The following SCAMP1 variants were observed in gnomAD, a reference collection of about 807,000 sequenced individuals.
The protein encoded by SCAMP1 is secretory carrier membrane protein 1.
A neutral mutation model predicts 41.8 loss-of-function variants in SCAMP1; 15 were observed. That is an observed-to-expected ratio of 0.36 (90% CI 0.24 to 0.55). SCAMP1 has a LOEUF of 0.55. Among genes scored for constraint, SCAMP1 ranks in the 20% least tolerant of loss-of-function variants. SCAMP1 has a pLI of 0.86. For synonymous variants in SCAMP1, 135 were observed against 136.8 expected, an observed-to-expected ratio of 0.99 and a Z score of 0.09; for missense variants, 341 against 412.6, an observed-to-expected ratio of 0.83 and a Z score of 1.50.
chr5:78,460,702 T>C (rs1436747695), intron 8 of SCAMP1, among the ~76,000 whole-genome samples: 1 of 151,638 alleles, frequency 6.6e-6, no homozygotes, highest in East Asian at 1.9e-4. Flanking sequence ...ATTGTCTCTT[T>C]ACTCTGTTTA....
intron 6 of SCAMP1, among the ~76,000 whole-genome samples, chr5:78,430,103 A>T (rs61461735): frequency 0.09 from 2,658 of 29,688 alleles, 193 homozygotes; most frequent in African/African-American, 0.25. Context: ...TTATAAATAC[A>T]GTATTTATTT....
intron 2 of SCAMP1, among the ~76,000 whole-genome samples, chr5:78,414,828 A>C (rs1482643757): frequency 2.0e-5 from 3 of 152,178 alleles, no homozygotes; most frequent in Admixed American, 1.3e-4. Flanking sequence ...GGGTTCTACC[A>C]AGAACTTTCC....
chr5:78,454,079 T>G (rs907758726), intron 7 of SCAMP1, among the ~76,000 whole-genome samples: 6 of 152,260 alleles, frequency 3.9e-5, no homozygotes, highest in African/African-American at 7.2e-5. Flanking sequence ...AAGGAGATTT[T>G]GGGCTGAGAC....
chr5:78,367,654 A>T (rs147551816), intron 1 of SCAMP1, among the ~76,000 whole-genome samples: 108 of 152,336 alleles, frequency 7.1e-4, no homozygotes, highest in African/African-American at 2.5e-3. Context: ...AGTGGCAAGC[A>T]ATAGGCTCCA....
At position 78,450,021 on chromosome 5, in the gene SCAMP1, A is replaced by T; in HGVS notation, c.721A>T (p.Asn241Tyr). The T allele has an allele frequency of 6.4e-7, 1 of 1,553,530 alleles. No individual in the cohort carries two copies. ...TGTACTCCAAGCTGCAGGATTTCAT[A>T]ACTGGGGCAATTGGTAAGTTTTTTT... ...VHVLQAAGFH[N>Y]WGNCGWISSL... Residue 241 changes from asparagine (N) to tyrosine (Y), a missense_variant, in exon 7 of 9, where the codon AAC (asparagine) becomes TAC (tyrosine). By Grantham distance (143) the Asn-to-Tyr change is moderately radical. Transcript: ENST00000621999.
rs548449021 is a variant in SCAMP1 at position 78,454,737 on chromosome 5, G to A, written c.735-4508G>A. On this transcript the variant is annotated intron_variant, in intron 7 of 8. Coordinates refer to ENST00000621999, the MANE Select transcript of SCAMP1 (RefSeq NM_004866.6). ...AGGATTCCCTCTTTTTCTATTGATTGGAATAGTTTCAGAAGGAATGGTACC... is the reference window on the plus strand; with the variant it reads ...AGGATTCCCTCTTTTTCTATTGATTAGAATAGTTTCAGAAGGAATGGTACC... Among the ~76,000 whole-genome samples, 320 of 152,196 alleles carry A rather than the reference G, an allele frequency of 2.1e-3. 1 individual carries two copies. Among genetic ancestry groups the A allele is most frequent in the Non-Finnish European group, 4.0e-3 (271 of 68,006 alleles).
At chr5:78,440,817 C>T (rs926484062) in intron 6 of SCAMP1, among the ~76,000 whole-genome samples, 1 of 152,340 alleles carries the variant, frequency 6.6e-6, no homozygotes, top group Admixed American at 6.5e-5. Flanking sequence ...GTGGAGTCTA[C>T]GGAGGCAGGC....
At chr5:78,471,728 G>A (rs1041655527) in intron 8 of SCAMP1, among the ~76,000 whole-genome samples, 5 of 152,110 alleles carry the variant, frequency 3.3e-5, no homozygotes, top group African/African-American at 7.2e-5. Context: ...TTATGGAGCC[G>A]CATCTACATT....
rs1754024859 is a variant in SCAMP1, at chr5:78,477,159, T to C, written c.*1491T>C. ...ACTTTCATTCTCCCCAAACCTGTAG[T>C]TACAGAAAAAGTTTTATGCTAGAGG... is the stretch of plus-strand genomic sequence containing the variant. On this transcript the variant is annotated 3_prime_UTR_variant, in exon 9 of 9. Coordinates refer to ENST00000621999, the MANE Select transcript of SCAMP1 (RefSeq NM_004866.6). The C allele has an allele frequency of 6.6e-6, 1 of 152,102 alleles. No homozygotes were observed. Among genetic ancestry groups the C allele is most frequent in the African/African-American group, 2.4e-5 (1 of 41,430 alleles). The allele number at this position is 152,102 out of a possible 1,614,324, so 9.4% of individuals were successfully genotyped here.
intron 1 of SCAMP1, among the ~76,000 whole-genome samples, chr5:78,387,322 A>G (rs1330073115): frequency 7.2e-6 from 1 of 138,490 alleles, no homozygotes; most frequent in Non-Finnish European, 1.6e-5. Context: ...TTTTTTATTT[A>G]TGCTATTTCA....
chr5:78,389,314 C>A (rs1751428790), intron 2 of SCAMP1, among the ~76,000 whole-genome samples: 1 of 152,140 alleles, frequency 6.6e-6, no homozygotes. Context: ...GTATGATTGT[C>A]ATTTGAATTA....
intron 7 of SCAMP1, among the ~76,000 whole-genome samples, chr5:78,457,409 G>A (rs980582686): frequency 2.6e-5 from 4 of 151,960 alleles, no homozygotes; most frequent in Admixed American, 6.6e-5. Flanking sequence ...TAACAGACAG[G>A]ACCCTCAGCT....
chr5:78,461,523 G>A (rs994022479), intron 8 of SCAMP1, among the ~76,000 whole-genome samples: 22 of 152,030 alleles, frequency 1.4e-4, no homozygotes, highest in African/African-American at 5.3e-4. Context: ...TGTTCGATTG[G>A]TCTGTTTTTG....
chr5:78,468,248 A>G (rs1753792919), intron 8 of SCAMP1, among the ~76,000 whole-genome samples: 1 of 152,190 alleles, frequency 6.6e-6, no homozygotes, highest in African/African-American at 2.4e-5. Context: ...TCTCCTATAC[A>G]TCTGCATGGA....
chr5:78,420,696 G>C (rs1352184994), intron 5 of SCAMP1, among the ~76,000 whole-genome samples: 3 of 151,950 alleles, frequency 2.0e-5, no homozygotes, highest in African/African-American at 4.8e-5. Flanking sequence ...ACTTCATCTG[G>C]AGCTCTTTTT....
intron 6 of SCAMP1, among the ~76,000 whole-genome samples, chr5:78,433,763 G>T (rs1050336592): frequency 2.0e-5 from 3 of 152,038 alleles, no homozygotes; most frequent in African/African-American, 4.8e-5. Flanking sequence ...GAGCATGGTG[G>T]GCATGTTGGG....
intron 2 of SCAMP1, among the ~76,000 whole-genome samples, chr5:78,404,731 T>A (rs897081259): frequency 1.3e-5 from 2 of 152,198 alleles, no homozygotes; most frequent in African/African-American, 4.8e-5. Context: ...GGTTAGGCAC[T>A]GGTTAAATAG....
Position 78,423,582 on chromosome 5 carries a change from A to G in SCAMP1, c.632+1622A>G, listed in dbSNP as rs545727042. Among the ~76,000 whole-genome samples the G allele has an allele frequency of 3.3e-5, 5 of 152,276 alleles. No individual in the cohort carries two copies. In the South Asian group the frequency reaches 1.0e-3, roughly 32 times the overall value. ...CAAAAAAGTGACCTGAGACTAGGGA[A>G]TTTGGATTTTAAACCTTCTGTTACT... On this transcript the variant is annotated intron_variant, in intron 6 of 8. Coordinates refer to ENST00000621999, the MANE Select transcript of SCAMP1 (RefSeq NM_004866.6).
chr5:78,431,197 A>G (rs149809214), intron 6 of SCAMP1, among the ~76,000 whole-genome samples: 1 of 152,060 alleles, frequency 6.6e-6, no homozygotes, highest in Admixed American at 6.6e-5. Context: ...ACACTCCTGC[A>G]TGCACTTGAA....
Sources: gnomAD v4.1 joint callset for allele counts (sites outside exome capture counted in the v4.1 genomes callset) on GRCh38, gnomAD v4.1.1 for gene constraint, MANE v1.5 for transcripts, NCBI Gene and HGNC (gene_info 2026-07-23, HGNC 2026-07-21) for gene names.